The following PIP4K2A variants were observed in gnomAD, a reference collection of about 807,000 sequenced individuals.
PIP4K2A encodes the protein phosphatidylinositol-5-phosphate 4-kinase type 2 alpha.
A neutral mutation model predicts 42.9 loss-of-function variants in PIP4K2A; 14 were observed. That is an observed-to-expected ratio of 0.33 (90% confidence interval 0.22 to 0.51). The LOEUF is 0.51. PIP4K2A is among the 20% of genes least tolerant of loss of function. PIP4K2A has a pLI of 0.97. For missense variants in PIP4K2A, 434 were observed against 519.8 expected, an observed-to-expected ratio of 0.83 and a Z score of 1.61; for synonymous variants, 192 against 192.2, an observed-to-expected ratio of 1.00 and a Z score of 0.01.
At chr10:22,603,774 C>T (rs1206383557) in intron 3 of PIP4K2A, among the ~76,000 whole-genome samples, 6 of 152,092 alleles carry the variant, frequency 3.9e-5, no homozygotes, top group African/African-American at 7.2e-5. Context: ...CACAGGACTG[C>T]GGCTATAGTC....
intron 6 of PIP4K2A, among the ~76,000 whole-genome samples, chr10:22,553,092 T>C (rs540487314): frequency 1.3e-5 from 2 of 152,314 alleles, no homozygotes; most frequent in South Asian, 2.1e-4. Context: ...ATGTACTCTA[T>C]GACTAAGCTG....
chr10:22,570,061 AT>A (rs1480672726), intron 5 of PIP4K2A, among the ~76,000 whole-genome samples: 4 of 152,016 alleles, frequency 2.6e-5, no homozygotes, highest in African/African-American at 9.7e-5. Flanking sequence ...CCGAGGCGCT[AT>A]CTTAGGCATT....
At chr10:22,561,278 T>C (rs1242350932) in intron 6 of PIP4K2A, among the ~76,000 whole-genome samples, 1 of 152,232 alleles carries the variant, frequency 6.6e-6, no homozygotes, top group Non-Finnish European at 1.5e-5. Context: ...TGAGACTTGT[T>C]GCCATGAAAG....
rs1310455443 is a variant in PIP4K2A, at chr10:22,705,425, TTAAAAAAAAAAAAAA to T, written c.144+8743_144+8757del. On this transcript the variant is annotated intron_variant, in intron 1 of 9. Coordinates refer to ENST00000376573, the MANE Select transcript of PIP4K2A (RefSeq NM_005028.5). The stretch of plus-strand genomic sequence containing the variant: ...TTACGTATTATATTCAGTACCCCAG[TTAAAAAAAAAAAAAA>T]AAAAAAAAAAAAAAAAAAAAAAGGA... Among the ~76,000 whole-genome samples the T allele has an allele frequency of 9.5e-4, 54 of 56,904 alleles. 1 individual carries two copies. Among genetic ancestry groups the T allele is most frequent in the African/African-American group, 2.5e-3 (36 of 14,376 alleles). The allele number at this position is 56,904 out of a possible 152,430, so 37.3% of individuals were successfully genotyped here.
intron 3 of PIP4K2A, among the ~76,000 whole-genome samples, chr10:22,604,226 A>G (rs1175532949): frequency 6.6e-6 from 1 of 152,184 alleles, no homozygotes; most frequent in African/African-American, 2.4e-5. Context: ...TTTTCATTTC[A>G]TTATCCTTTT....
At chr10:22,543,905 C>CA in intron 7 of PIP4K2A, among the ~76,000 whole-genome samples, 1 of 152,160 alleles carries the variant, frequency 6.6e-6, no homozygotes, top group East Asian at 1.9e-4. Context: ...AGATCCAAGG[C>CA]AGGGGGCAGG....
intron 1 of PIP4K2A, among the ~76,000 whole-genome samples, chr10:22,686,178 G>A (rs540798914): frequency 6.6e-6 from 1 of 152,272 alleles, no homozygotes; most frequent in Non-Finnish European, 1.5e-5. Context: ...ATAATTTCAG[G>A]AACAGGAAAC....
intron 1 of PIP4K2A, among the ~76,000 whole-genome samples, chr10:22,621,772 G>A (rs1838335971): frequency 6.6e-6 from 1 of 152,222 alleles, no homozygotes; most frequent in Non-Finnish European, 1.5e-5. Flanking sequence ...GTACAGTTCA[G>A]CATTTTGAAC....
chr10:22,669,437 G>A (rs537814833), intron 1 of PIP4K2A, among the ~76,000 whole-genome samples: 9 of 151,966 alleles, frequency 5.9e-5, no homozygotes, highest in Admixed American at 5.2e-4. Context: ...CTATCATTAA[G>A]CAACACATGA....
At chr10:22,665,826 A>G (rs2130847449) in intron 1 of PIP4K2A, among the ~76,000 whole-genome samples, 1 of 151,948 alleles carries the variant, frequency 6.6e-6, no homozygotes, top group South Asian at 2.1e-4. Flanking sequence ...ACACATATAT[A>G]TACATACACA....
At chr10:22,713,323 C>T (rs996901554) in intron 1 of PIP4K2A, among the ~76,000 whole-genome samples, 2 of 152,216 alleles carry the variant, frequency 1.3e-5, no homozygotes, top group Non-Finnish European at 2.9e-5. Context: ...TTTCCCACAC[C>T]CCCCACAGCG....
intron 6 of PIP4K2A, among the ~76,000 whole-genome samples, chr10:22,562,152 C>T (rs189762832): frequency 6.6e-6 from 1 of 152,006 alleles, no homozygotes. Context: ...TTGGAAGAGT[C>T]AAAAATCCTA....
intron 1 of PIP4K2A, among the ~76,000 whole-genome samples, chr10:22,639,197 C>A (rs1838727264): frequency 6.6e-6 from 1 of 151,866 alleles, no homozygotes; most frequent in Non-Finnish European, 1.5e-5. Context: ...CAATAAAATC[C>A]AAGGAAGCCA....
chr10:22,540,574 TGAGACA>T (rs1315961077), intron 8 of PIP4K2A, among the ~76,000 whole-genome samples: 1 of 152,204 alleles, frequency 6.6e-6, no homozygotes, highest in Non-Finnish European at 1.5e-5. Flanking sequence ...TTTCTTTTTT[TGAGACA>T]GAGTTTTGTT....
intron 7 of PIP4K2A, among the ~76,000 whole-genome samples, chr10:22,546,793 C>T (rs1025892080): frequency 5.9e-5 from 9 of 152,098 alleles, no homozygotes; most frequent in African/African-American, 2.2e-4. Context: ...GCTGGAAGCT[C>T]GCAGATGGAA....
chr10:22,569,009 T>G, intron 5 of PIP4K2A: 3 of 1,533,750 alleles, frequency 2.0e-6, no homozygotes, highest in South Asian at 1.2e-5. Flanking sequence ...TTAAATGAAC[T>G]TACAGTTGGC....
intron 3 of PIP4K2A, 87 bp downstream of exon 3, chr10:22,607,840 G>T: frequency 2.7e-6 from 2 of 740,822 alleles, no homozygotes; most frequent in South Asian, 1.8e-5. Context: ...TACTTTTATT[G>T]ACAAAAATAC....
intron 3 of PIP4K2A, among the ~76,000 whole-genome samples, chr10:22,599,882 TACATTTATA>T (rs549807069): frequency 6.6e-6 from 1 of 152,350 alleles, no homozygotes; most frequent in Non-Finnish European, 1.5e-5. Context: ...AATGCCTTTT[TACATTTATA>T]ACTGGAAATT....
At chr10:22,611,748 A>G (rs1838045699) in intron 1 of PIP4K2A, among the ~76,000 whole-genome samples, 1 of 152,274 alleles carries the variant, frequency 6.6e-6, no homozygotes, top group African/African-American at 2.4e-5. Context: ...GGAATATCAA[A>G]GTTTGAAAAA....
Sources: gnomAD v4.1 joint callset for allele counts (sites outside exome capture counted in the v4.1 genomes callset) on GRCh38, gnomAD v4.1.1 for gene constraint, MANE v1.5 for transcripts, NCBI Gene and HGNC (gene_info 2026-07-23, HGNC 2026-07-21) for gene names.